The following LAMA5 variants were observed in gnomAD, a reference collection of about 807,000 sequenced individuals.
The protein encoded by LAMA5 is laminin subunit alpha-5.
Under a neutral mutation model 433.4 loss-of-function variants are expected in LAMA5, and 260 were observed. That is an observed-to-expected ratio of 0.60 (90% CI 0.54 to 0.66). LAMA5 has a LOEUF of 0.66. Among genes scored for constraint, LAMA5 ranks in the 30% least tolerant of loss-of-function variants. The probability of loss-of-function intolerance (pLI) is 0.00; values close to 1 mark genes in which losing one functional copy is unlikely to be tolerated. For missense variants in LAMA5, 5,378 were observed against 5,258.5 expected (o/e 1.02, Z -0.70); for synonymous variants, 2,620 against 2,226.6 (o/e 1.18, Z -4.97).
In LAMA5 at chr20:62,346,067, T is replaced by C; in HGVS notation, c.1417+14A>G. On this transcript the variant is annotated intron_variant, in intron 10 of 79. Transcript: ENST00000252999. ...GCAGTGGTGTCTGTTTGGATGCCCC[T>C]GGCAGGTGCTCACGGTAGCAGCTTG... 1 of 1,612,820 alleles carries C rather than the reference T, an allele frequency of 6.2e-7. No homozygotes were observed. The highest frequency in any genetic ancestry group is 8.5e-7 in the Non-Finnish European group (1 of 1,179,870).
At chr20:62,311,816 T>TCCCC in intron 70 of LAMA5, 32 bp from the exon 71 acceptor site, 2 of 1,521,012 alleles carry the variant, frequency 1.3e-6, no homozygotes, top group Non-Finnish European at 1.8e-6. Flanking sequence ...GCTCGGTTTT[T>TCCCC]CCCCACCCTG....
At chr20:62,350,103 G>C (rs1568971965) in intron 6 of LAMA5, among the ~76,000 whole-genome samples, 1 of 151,936 alleles carries the variant, frequency 6.6e-6, no homozygotes, top group East Asian at 1.9e-4. Context: ...GGAGAGCTGA[G>C]CTCAGTCCAC....
At chr20:62,319,610 G>T in intron 51 of LAMA5, 74 bp downstream of exon 51, 1 of 1,105,484 alleles carries the variant, frequency 9.0e-7, no homozygotes, top group Non-Finnish European at 1.3e-6. Context: ...GCCAAGCTCG[G>T]CCAGGCACCC....
At chr20:62,322,574 A>G in intron 46 of LAMA5, 84 bp downstream of exon 46, 1 of 1,411,710 alleles carries the variant, frequency 7.1e-7, no homozygotes, top group Non-Finnish European at 9.6e-7. Context: ...ACTGCCCCTC[A>G]GCCCCACCTA....
chr20:62,314,163 C>T (rs1446928369), intron 62 of LAMA5, 141 bp downstream of exon 62: 6 of 1,078,478 alleles, frequency 5.6e-6, no homozygotes, highest in East Asian at 2.5e-5. Flanking sequence ...CGAGGGGTGG[C>T]GAGTGGGCAC....
rs1987458179 is a variant in LAMA5, at chr20:62,319,697, G to A, written c.6858C>T (p.Asp2286=). ...GCTGGCCCCTACCGCTCAGGGTGCG[G>A]TCCACAGCCCGGATGGCCGCCAACA... ...KTLLAAIRAV[D]RTLSELMSQT... is the part of the protein sequence containing the mutation. Residue 2286 remains aspartate, a synonymous_variant, in exon 51 of 80, where the codon GAC becomes GAT. Transcript: ENST00000252999. 1 of 1,543,504 alleles carries A rather than the reference G, an allele frequency of 6.5e-7. No individual in the cohort carries two copies. The highest frequency in any genetic ancestry group is 8.7e-7 in the Non-Finnish European group (1 of 1,146,184).
Sources: gnomAD v4.1 joint callset for allele counts (sites outside exome capture counted in the v4.1 genomes callset) on GRCh38, gnomAD v4.1.1 for gene constraint, MANE v1.5 for transcripts, NCBI Gene and HGNC (gene_info 2026-07-23, HGNC 2026-07-21) for gene names.